Variants in CPAMD8 observed in about 807,000 individuals in gnomAD.
CPAMD8 encodes C3 and PZP-like alpha-2-macroglobulin domain-containing protein 8.
Under a neutral mutation model 224.7 loss-of-function variants are expected in CPAMD8, and 146 were observed. The observed-to-expected ratio is 0.65, with a 90% CI of 0.57 to 0.75. The LOEUF (loss-of-function observed/expected upper bound fraction) is 0.75. Ranked by LOEUF, CPAMD8 falls within the 30% of genes least tolerant of loss-of-function variation. The pLI is 0.00. For synonymous variants in CPAMD8, 966 were observed against 1,044.6 expected (o/e 0.92, Z 1.45); for missense variants, 2,301 against 2,537.5 (o/e 0.91, Z 2.00).
intron 3 of CPAMD8, among the ~76,000 whole-genome samples, chr19:17,013,724 G>C (rs1013190903): frequency 6.6e-6 from 1 of 151,720 alleles, no homozygotes; most frequent in Non-Finnish European, 1.5e-5. Flanking sequence ...AACTAGATGG[G>C]GGGGCATTGC....
chr19:16,987,413 G>A (rs969026602), intron 13 of CPAMD8, among the ~76,000 whole-genome samples: 5 of 151,532 alleles, frequency 3.3e-5, no homozygotes, highest in African/African-American at 9.7e-5. Context: ...TGAACGTGAA[G>A]ATGACAAGGA....
chr19:16,988,474 G>A (rs1221498928), intron 13 of CPAMD8, among the ~76,000 whole-genome samples: 1 of 152,136 alleles, frequency 6.6e-6, no homozygotes, highest in Non-Finnish European at 1.5e-5. Flanking sequence ...GCCAGGCATT[G>A]TGGTGGGCAC....
At chr19:16,951,466 T>A (rs2054293982) in intron 20 of CPAMD8, among the ~76,000 whole-genome samples, 1 of 152,200 alleles carries the variant, frequency 6.6e-6, no homozygotes. Flanking sequence ...CACAGCCATA[T>A]CTATTCAGGT....
chr19:17,019,126 T>C (rs1185441550), intron 3 of CPAMD8, among the ~76,000 whole-genome samples: 1 of 152,058 alleles, frequency 6.6e-6, no homozygotes, highest in Non-Finnish European at 1.5e-5. Context: ...TTATGTTTTG[T>C]TTTGTTTTGT....
intron 12 of CPAMD8, among the ~76,000 whole-genome samples, chr19:16,990,735 C>A (rs916710173): frequency 6.6e-6 from 1 of 151,328 alleles, no homozygotes; most frequent in South Asian, 2.1e-4. Context: ...TGGTGGCCGG[C>A]AACTGTAGTC....
At chr19:16,975,383 G>C in intron 16 of CPAMD8, 125 bp from the exon 17 acceptor site, 3 of 727,984 alleles carry the variant, frequency 4.1e-6, no homozygotes, top group Non-Finnish European at 7.0e-6. Context: ...TCCAGGAGAT[G>C]GGCACTGGTA....
At chr19:17,005,634 C>T (rs950679371) in intron 7 of CPAMD8, among the ~76,000 whole-genome samples, 1 of 152,090 alleles carries the variant, frequency 6.6e-6, no homozygotes. Flanking sequence ...GTGACACGCT[C>T]CACTCGTCCC....
At position 16,896,407 on chromosome 19, in the gene CPAMD8, A is replaced by G. The variant is rs147191873; in HGVS notation, c.5275+49T>C. 1.1e-3 allele frequency: 1,577 copies of G among 1,494,406 alleles called. 14 individuals carry two copies. The African/African-American group carries it at 0.02, about 19-fold the overall frequency. The allele number at this position is 1,494,406 out of a possible 1,614,324, so 92.6% of individuals were successfully genotyped here. On this transcript the variant is annotated intron_variant, in intron 40 of 41. Transcript: ENST00000443236. ...CGAGGGGAGGAGATCCGTGGCCCAG[A>G]GCAGCAGCGATGGTGTCCCCGAGGC...
Position 16,898,085 on chromosome 19 carries a change from C to A in CPAMD8, c.4849-91G>T. Reference sequence around the variant, plus strand: ...CAGAACTGGCTGATTTCAGGGATACCCAGGACGCGTGAAACACAGAAGAAA... The same window carrying A: ...CAGAACTGGCTGATTTCAGGGATACACAGGACGCGTGAAACACAGAAGAAA... On this transcript the variant is annotated intron_variant, in intron 37 of 41. Transcript: ENST00000443236. The surrounding 1 kb of genome is among the most constrained non-coding windows in gnomAD (Gnocchi z 4.2). 2.5e-6 allele frequency: 2 copies of A among 794,306 alleles called. No individual in the cohort carries two copies. Among genetic ancestry groups the A allele is most frequent in the South Asian group, 1.6e-5 (1 of 63,382 alleles). The allele number at this position is 794,306 out of a possible 1,614,324, so 49.2% of individuals were successfully genotyped here.
chr19:16,910,150 C>T (rs1278827718), intron 29 of CPAMD8, among the ~76,000 whole-genome samples: 5 of 151,748 alleles, frequency 3.3e-5, no homozygotes, highest in Non-Finnish European at 7.4e-5. Context: ...CTGTGCTTGG[C>T]GTCCAATGAC....
intron 13 of CPAMD8, among the ~76,000 whole-genome samples, chr19:16,983,080 C>T (rs2055573847): frequency 6.6e-6 from 1 of 152,130 alleles, no homozygotes; most frequent in South Asian, 2.1e-4. Context: ...TAAGGCCTCC[C>T]CAGCCACGTG....
chr19:16,929,704 G>A (rs190501922), intron 23 of CPAMD8, among the ~76,000 whole-genome samples: 15 of 152,176 alleles, frequency 9.9e-5, no homozygotes, highest in Admixed American at 5.2e-4. Context: ...AAACAAGCAA[G>A]ATTCTCTCTC....
chr19:17,002,127 G>T, intron 9 of CPAMD8, 139 bp downstream of exon 9: 1 of 619,470 alleles, frequency 1.6e-6, no homozygotes. Flanking sequence ...CCAGGGAGGA[G>T]GGAACCAGGA....
At position 16,980,660 on chromosome 19, in the gene CPAMD8, C is replaced by T. The variant is rs774388417; in HGVS notation, c.1422G>A (p.Val474=). Residue 474 remains valine, a synonymous_variant, in exon 14 of 42, where the codon GTG becomes GTA. Coordinates refer to ENST00000443236, the MANE Select transcript of CPAMD8 (RefSeq NM_015692.5). The part of the protein sequence containing the change: ...LQVGEEAYFS[V]KSTCPCNFTL... ...TAAAGTTGCAGGGACATGTGGACTT[C>T]ACAGAAAAATAGGCTTCTTCCCCAA... 1 of 1,557,784 alleles carries T rather than the reference C, an allele frequency of 6.4e-7. No individual in the cohort carries two copies. The highest frequency in any genetic ancestry group is 2.0e-5 in the Admixed American group (1 of 50,994).
intron 14 of CPAMD8, among the ~76,000 whole-genome samples, chr19:16,978,667 T>C (rs1446324552): frequency 6.6e-6 from 1 of 152,152 alleles, no homozygotes; most frequent in Non-Finnish European, 1.5e-5. Flanking sequence ...CTACAGTGCA[T>C]GGGATGGTCC....
At chr19:17,017,248 T>C (rs988667877) in intron 3 of CPAMD8, among the ~76,000 whole-genome samples, 2 of 152,200 alleles carry the variant, frequency 1.3e-5, no homozygotes, top group Admixed American at 1.3e-4. Context: ...GGTGGGACCA[T>C]CTAGTTGAAG....
chr19:16,893,097 TG>T lies in CPAMD8; in HGVS notation c.*10del. On this transcript the variant is annotated 3_prime_UTR_variant, in exon 42 of 42. Transcript: ENST00000443236. Reference sequence around the variant, plus strand: ...CAAACTGCGGTCCCACAACTGCATGTGGTTGTAGGATTATCTCAAGGTGCAG... The same window carrying T: ...CAAACTGCGGTCCCACAACTGCATGTGTTGTAGGATTATCTCAAGGTGCAG... 8.4e-7 allele frequency: 1 copy of T among 1,190,848 alleles called. No individual in the cohort carries two copies. The highest frequency in any genetic ancestry group is 1.3e-6 in the Non-Finnish European group (1 of 795,560). The allele number at this position is 1,190,848 out of a possible 1,614,324, so 73.8% of individuals were successfully genotyped here.
intron 3 of CPAMD8, among the ~76,000 whole-genome samples, chr19:17,018,499 T>G (rs8100291): frequency 0.1 from 15,255 of 152,100 alleles, 953 homozygotes; most frequent in African/African-American, 0.18. Context: ...AATTTGGCTG[T>G]TTAGCCTAAA....
chr19:16,921,976 G>A lies in CPAMD8; in HGVS notation c.3558C>T (p.Arg1186=), dbSNP rs1450045189. The change falls in exon 27 of 42, where the codon CGC becomes CGT. Residue 1186 remains arginine, a synonymous_variant. Coordinates refer to ENST00000443236, the MANE Select transcript of CPAMD8 (RefSeq NM_015692.5). ...TTDYLVQGYQ[R]QLTYKRQDGS... ...CATCCTGGCGCTTGTAGGTCAGCTG[G>A]CGCTGGTAGCCTGTGGGGCAAGCAG... The A allele has an allele frequency of 1.3e-6, 2 of 1,547,704 alleles. No individual in the cohort carries two copies. The highest frequency in any genetic ancestry group is 4.9e-5 in the East Asian group (2 of 40,908).
Sources: allele counts gnomAD v4.1 joint callset (sites outside exome capture counted in the v4.1 genomes callset), GRCh38; gene constraint gnomAD v4.1.1; non-coding constraint Gnocchi (gnomAD v3.1); transcripts MANE v1.5; gene names NCBI Gene and HGNC (gene_info 2026-07-23, HGNC 2026-07-21).